SCGB3A2: variants seen among roughly 807,000 people sequenced by gnomAD.
SCGB3A2 encodes secretoglobin family 3A member 2.
In SCGB3A2, 5 loss-of-function variants were observed where a neutral mutation model predicts 7.7. The ratio of observed to expected loss-of-function variants is 0.65; its 90% CI spans 0.34 to 1.36. The LOEUF (loss-of-function observed/expected upper bound fraction) is 1.36, where lower values mean the gene tolerates loss of function less well. SCGB3A2 is among the 40% of genes most tolerant of loss of function. The pLI is 0.04. For missense variants in SCGB3A2, 109 were observed against 103.6 expected (o/e 1.05, Z -0.23); for synonymous variants, 44 against 42.7 (o/e 1.03, Z -0.12).
At position 147,881,519 on chromosome 5, in the gene SCGB3A2, T is replaced by C. The variant is rs1757347784; in HGVS notation, c.129T>C (p.Leu43=). ...KLAPLPLDNI[L]PFMDPLKLLL... ...CACCTTTACCTCTGGACAACATTCTTCCCTTTATGGATCCATTAAAGCTTC... is the reference window on the plus strand; with the variant it reads ...CACCTTTACCTCTGGACAACATTCTCCCCTTTATGGATCCATTAAAGCTTC... Residue 43 remains leucine, a synonymous_variant, in exon 2 of 3, where the codon CTT becomes CTC. Transcript: ENST00000296694. The C allele has an allele frequency of 6.2e-7, 1 of 1,614,064 alleles. No homozygotes were observed. The highest frequency in any genetic ancestry group is 2.2e-5 in the East Asian group (1 of 44,872).
In SCGB3A2 at chr5:147,878,761, T is replaced by G; in HGVS notation, c.-43T>G. 6.5e-7 allele frequency: 1 copy of G among 1,539,472 alleles called. No individual in the cohort carries two copies. The highest frequency in any genetic ancestry group is 9.0e-7 in the Non-Finnish European group (1 of 1,112,272). On this transcript the variant is annotated 5_prime_UTR_variant, in exon 1 of 3. Coordinates refer to ENST00000296694, the MANE Select transcript of SCGB3A2 (RefSeq NM_054023.5). ...CTGGCTTGGTGGATTTTGCTAGATTTTTCTGATTTTTAAACTCCTGAAAAA... is the reference window on the plus strand; with the variant it reads ...CTGGCTTGGTGGATTTTGCTAGATTGTTCTGATTTTTAAACTCCTGAAAAA...
At position 147,878,876 on chromosome 5, in the gene SCGB3A2, A is replaced by C; in HGVS notation, c.55+18A>C. On this transcript the variant is annotated intron_variant, in intron 1 of 2. Transcript: ENST00000296694. ...TTACTCTGGTAAGTAACTGGAATAC[A>C]TCTGGAATATGTGACATTTCTTTAC... The C allele has an allele frequency of 1.9e-6, 3 of 1,569,944 alleles. No individual in the cohort carries two copies.
chr5:147,881,517 C>A lies in SCGB3A2; in HGVS notation c.127C>A (p.Leu43Ile), dbSNP rs774916078. The A allele has an allele frequency of 8.7e-6, 14 of 1,613,958 alleles. No individual in the cohort carries two copies. The Admixed American group carries it at 2.3e-4, about 27-fold the overall frequency. Residue 43 changes from leucine to isoleucine, a missense_variant, in exon 2 of 3, where the codon CTT (leucine) becomes ATT (isoleucine). Physicochemically the swap from Leu to Ile is conservative, Grantham distance 5. Transcript: ENST00000296694. ...KLAPLPLDNI[L>I]PFMDPLKLLL... ...GGCACCTTTACCTCTGGACAACATT[C>A]TTCCCTTTATGGATCCATTAAAGCT...
rs1049266394 is a variant in SCGB3A2, at chr5:147,881,151, A to G, written c.56-295A>G. ...AAATGAAGAGTTGCTTTTTTTAGGT[A>G]ATGGTAAGAAAAAATAAATGACGGA... is the stretch of plus-strand genomic sequence containing the variant. On this transcript the variant is annotated intron_variant, in intron 1 of 2. Transcript: ENST00000296694. The G allele has an allele frequency of 3.2e-5, 10 of 314,544 alleles. No individual in the cohort carries two copies. The Admixed American group carries it at 3.2e-4, about 10-fold the overall frequency. 19.5% of individuals were successfully genotyped at this position (314,544 alleles called of 1,614,324 possible).
At chr5:147,879,002 A>T in intron 1 of SCGB3A2, 144 bp downstream of exon 1, 1 of 638,688 alleles carries the variant, frequency 1.6e-6, no homozygotes, top group Non-Finnish European at 2.8e-6. Flanking sequence ...TAACTGACAC[A>T]TAATAATTGC....
chr5:147,880,289 T>G (rs1757325982), intron 1 of SCGB3A2, among the ~76,000 whole-genome samples: 1 of 152,150 alleles, frequency 6.6e-6, no homozygotes, highest in African/African-American at 2.4e-5. Context: ...GCCAAAGATA[T>G]AAAACGTAAT....
chr5:147,882,087 G>T lies in SCGB3A2; in HGVS notation c.*37G>T, dbSNP rs747590926. ...AGAGCGGAGGTGGATGGGGATGGAAGATGATGCTCCTATCCTCCCTGCCTG... is the reference window on the plus strand; with the variant it reads ...AGAGCGGAGGTGGATGGGGATGGAATATGATGCTCCTATCCTCCCTGCCTG... On this transcript the variant is annotated 3_prime_UTR_variant, in exon 3 of 3. Transcript: ENST00000296694. 32 of 1,607,646 alleles carry T rather than the reference G, an allele frequency of 2.0e-5. No homozygotes were observed. The highest frequency in any genetic ancestry group is 2.5e-5 in the Non-Finnish European group (29 of 1,174,386).
chr5:147,879,360 G>T (rs879714238), intron 1 of SCGB3A2, among the ~76,000 whole-genome samples: 7 of 152,164 alleles, frequency 4.6e-5, no homozygotes, highest in Non-Finnish European at 8.8e-5. Flanking sequence ...CCACTCAATG[G>T]ATATTTATTG....
In SCGB3A2 at chr5:147,882,032, G is replaced by A. The variant is rs540096269; in HGVS notation, c.264G>A (p.Ala88=). The change falls in exon 3 of 3, where the codon GCG becomes GCA. Residue 88 remains alanine, a synonymous_variant. Transcript: ENST00000296694. ...ASEAVKKLLE[A]LSHLV is the part of the protein sequence containing the mutation. ...GTTGTCCTTCTACATTTCAGGAGGC[G>A]CTATCACACTTGGTGTGACATCAAG... The A allele has an allele frequency of 7.4e-6, 12 of 1,613,644 alleles. No individual in the cohort carries two copies. The highest frequency in any genetic ancestry group is 3.3e-5 in the Admixed American group (2 of 59,984).
chr5:147,881,605 A>G lies in SCGB3A2; in HGVS notation c.215A>G (p.Asn72Ser). ...HLVEGLRKCV[N>S]ELGPEASEAV... ...GTGGAGGGGCTAAGGAAGTGTGTAA[A>G]TGAGCTGGGACCAGAGGCTTCTGAA... The change falls in exon 2 of 3, where the codon AAT (asparagine) becomes AGT (serine). Residue 72 changes from asparagine (N) to serine (S), a missense_variant. Coordinates refer to ENST00000296694, the MANE Select transcript of SCGB3A2 (RefSeq NM_054023.5). 1 of 1,613,892 alleles carries G rather than the reference A, an allele frequency of 6.2e-7. No homozygotes were observed. Among genetic ancestry groups the G allele is most frequent in the Non-Finnish European group, 8.5e-7 (1 of 1,179,892 alleles).
At chr5:147,880,814 A>G (rs992400782) in intron 1 of SCGB3A2, 1 of 153,644 alleles carries the variant, frequency 6.5e-6, no homozygotes, top group Admixed American at 6.5e-5. Context: ...CACAGACTAG[A>G]TAGAGTTGGT....
chr5:147,880,179 A>G (rs1156454098), intron 1 of SCGB3A2, among the ~76,000 whole-genome samples: 1 of 152,144 alleles, frequency 6.6e-6, no homozygotes, highest in East Asian at 1.9e-4. Flanking sequence ...GTGCATTTAT[A>G]TATCTGCACA....
Position 147,880,462 on chromosome 5 carries a change from G to T in SCGB3A2, c.56-984G>T, listed in dbSNP as rs188719484. Among the ~76,000 whole-genome samples, 6 of 152,178 alleles carry T rather than the reference G, an allele frequency of 3.9e-5. No individual in the cohort carries two copies. In the East Asian group the frequency reaches 9.7e-4, roughly 25 times the overall value. On this transcript the variant is annotated intron_variant, in intron 1 of 2. Transcript: ENST00000296694. The stretch of plus-strand genomic sequence containing the variant: ...TTTGGTCATAGCCTATTGGAAATCT[G>T]CACTCCAGCCTTCTGGGCAGAAGGC...
rs141296502 is a variant in SCGB3A2 at position 147,882,156 on chromosome 5, T to A, written c.*106T>A. The A allele has an allele frequency of 8.7e-7, 1 of 1,145,534 alleles. No homozygotes were observed. The highest frequency in any genetic ancestry group is 1.5e-5 in the African/African-American group (1 of 65,228). 71.0% of individuals were successfully genotyped at this position (1,145,534 alleles called of 1,614,324 possible). On this transcript the variant is annotated 3_prime_UTR_variant, in exon 3 of 3. Transcript: ENST00000296694. ...ATAGATCAAATGCCCTAAAATGTAG[T>A]GACCCGTGAAAAGGACAAATAAAGC...
chr5:147,881,268 G>A (rs1290786203), intron 1 of SCGB3A2, among the ~76,000 whole-genome samples, 178 bp from the exon 2 acceptor site: 1 of 152,100 alleles, frequency 6.6e-6, no homozygotes, highest in Non-Finnish European at 1.5e-5. Context: ...AGCTAGCTAA[G>A]GAAAAAAAGT....
At chr5:147,879,061 T>C (rs1378920425) in intron 1 of SCGB3A2, among the ~76,000 whole-genome samples, 3 of 152,126 alleles carry the variant, frequency 2.0e-5, no homozygotes, top group Admixed American at 1.3e-4. Flanking sequence ...AAAATGGTGA[T>C]GTTGGAAAGT....
At position 147,878,773 on chromosome 5, in the gene SCGB3A2, A is replaced by G; in HGVS notation, c.-31A>G. The stretch of plus-strand genomic sequence containing the variant: ...ATTTTGCTAGATTTTTCTGATTTTT[A>G]AACTCCTGAAAAATATCCCAGATAA... On this transcript the variant is annotated 5_prime_UTR_variant, in exon 1 of 3. Transcript: ENST00000296694. 6.3e-7 allele frequency: 1 copy of G among 1,593,126 alleles called. No individual in the cohort carries two copies. Among genetic ancestry groups the G allele is most frequent in the Non-Finnish European group, 8.6e-7 (1 of 1,161,130 alleles).
rs1160598748 is a variant in SCGB3A2 at position 147,881,987 on chromosome 5, T to G, written c.259-40T>G. The G allele has an allele frequency of 2.5e-6, 4 of 1,608,384 alleles. No individual in the cohort carries two copies. The East Asian group carries it at 6.7e-5, about 27-fold the overall frequency. ...TATGTTTTGAAACATGCGAATTACA[T>G]GTAAGCTGCTCTAAATTTTGTTGTC... On this transcript the variant is annotated intron_variant, in intron 2 of 2. Coordinates refer to ENST00000296694, the MANE Select transcript of SCGB3A2 (RefSeq NM_054023.5).
chr5:147,880,794 T>C (rs950325875), intron 1 of SCGB3A2: 6 of 152,644 alleles, frequency 3.9e-5, no homozygotes, highest in African/African-American at 1.4e-4. Context: ...CTTATTTGTC[T>C]ATGTATCTGC....
Sources: gnomAD v4.1 joint callset for allele counts (sites outside exome capture counted in the v4.1 genomes callset) on GRCh38, gnomAD v4.1.1 for gene constraint, MANE v1.5 for transcripts, NCBI Gene and HGNC (gene_info 2026-07-23, HGNC 2026-07-21) for gene names.